The following KDM4C variants were observed in gnomAD, a reference collection of about 807,000 sequenced individuals.
KDM4C encodes lysine demethylase 4C.
KDM4C carries 81 observed loss-of-function variants against 129.3 expected under a neutral mutation model. The observed-to-expected ratio is 0.63, with a 90% CI of 0.52 to 0.75. The LOEUF (loss-of-function observed/expected upper bound fraction) is 0.75. Among genes scored for constraint, KDM4C ranks in the 30% least tolerant of loss-of-function variants. The probability of loss-of-function intolerance (pLI) is 0.00; values close to 1 mark genes in which losing one functional copy is unlikely to be tolerated. For synonymous variants in KDM4C, 573 were observed against 456.1 expected (o/e 1.26, Z -3.26); for missense variants, 1,457 against 1,304.0 (o/e 1.12, Z -1.81).
chr9:7,044,593 G>A (rs1038121261), intron 15 of KDM4C, among the ~76,000 whole-genome samples: 1 of 151,924 alleles, frequency 6.6e-6, no homozygotes, highest in Non-Finnish European at 1.5e-5. Context: ...CCTCCAATAT[G>A]AGCTAGAATG....
At chr9:7,033,169 G>A (rs1425700719) in intron 15 of KDM4C, among the ~76,000 whole-genome samples, 1 of 148,290 alleles carries the variant, frequency 6.7e-6, no homozygotes, top group African/African-American at 2.5e-5. Context: ...TTAATTCCAC[G>A]GGATACTGTC....
chr9:6,927,334 T>A (rs891623360), intron 8 of KDM4C, among the ~76,000 whole-genome samples: 4 of 152,210 alleles, frequency 2.6e-5, no homozygotes, highest in Non-Finnish European at 5.9e-5. Context: ...TTTGCCGTGT[T>A]GGCCAGGCTA....
chr9:7,031,508 C>G (rs1439167213), intron 15 of KDM4C, among the ~76,000 whole-genome samples: 1 of 152,166 alleles, frequency 6.6e-6, no homozygotes, highest in Admixed American at 6.5e-5. Flanking sequence ...CAAACTATAT[C>G]TTGATGATCA....
chr9:6,863,495 A>C (rs1317410436), intron 5 of KDM4C, among the ~76,000 whole-genome samples: 1 of 152,112 alleles, frequency 6.6e-6, no homozygotes, highest in African/African-American at 2.4e-5. Flanking sequence ...TACAGAGATC[A>C]CATGGTAAGA....
At chr9:6,852,726 C>G (rs971634965) in intron 5 of KDM4C, among the ~76,000 whole-genome samples, 1 of 152,128 alleles carries the variant, frequency 6.6e-6, no homozygotes, top group Non-Finnish European at 1.5e-5. Context: ...TTCAAGTCTA[C>G]TCCTTCCTCT....
rs761508081 is a variant in KDM4C, at chr9:6,992,650, T to G, written c.1786+2126T>G. 1.6e-4 allele frequency among the ~76,000 whole-genome samples: 24 copies of G among 152,320 alleles called. No homozygotes were observed. In the South Asian group the frequency reaches 2.3e-3, roughly 14 times the overall value. On this transcript the variant is annotated intron_variant, in intron 12 of 21. Coordinates refer to ENST00000381309, the MANE Select transcript of KDM4C (RefSeq NM_015061.6). Reference sequence around the variant, plus strand: ...CTCTGTGTCTATGTTGCTTGCAAAGTTGAAAGTGAATAAACATTATCATTG... The same window carrying G: ...CTCTGTGTCTATGTTGCTTGCAAAGGTGAAAGTGAATAAACATTATCATTG...
rs201094684 is a variant in KDM4C at position 6,940,892 on chromosome 9, GA to G, written c.922-40026del. ...ATCTATAAGAAACTTAAATTTACAA[GA>G]AAAAAACGTATCATTCTTTTTGGCT... On this transcript the variant is annotated intron_variant, in intron 8 of 21. Coordinates refer to ENST00000381309, the MANE Select transcript of KDM4C (RefSeq NM_015061.6). 2.9e-3 allele frequency among the ~76,000 whole-genome samples: 406 copies of G among 140,202 alleles called. 1 individual carries two copies. The highest frequency in any genetic ancestry group is 9.5e-3 in the African/African-American group (383 of 40,308). 92.0% of individuals were successfully genotyped at this position (140,202 alleles called of 152,430 possible). A position where few individuals can be genotyped will look rare whatever the true frequency, so the allele number is the denominator to read the frequency against.
At chr9:7,032,382 C>G (rs192309318) in intron 15 of KDM4C, among the ~76,000 whole-genome samples, 1 of 152,142 alleles carries the variant, frequency 6.6e-6, no homozygotes, top group Non-Finnish European at 1.5e-5. Flanking sequence ...CCTGTCCAAC[C>G]TCCCAAATAA....
At chr9:6,858,270 T>G (rs1159603303) in intron 5 of KDM4C, among the ~76,000 whole-genome samples, 1 of 151,554 alleles carries the variant, frequency 6.6e-6, no homozygotes, top group Admixed American at 6.6e-5. Context: ...ATTAATGAAT[T>G]ACTGCTCAGT....
chr9:7,039,228 CCATT>C (rs1182011010), intron 15 of KDM4C, among the ~76,000 whole-genome samples: 1 of 151,926 alleles, frequency 6.6e-6, no homozygotes, highest in Non-Finnish European at 1.5e-5. Context: ...AACACACACT[CCATT>C]CAGTTGGATC....
At position 7,065,554 on chromosome 9, in the gene KDM4C, A is replaced by C. The variant is rs552978941; in HGVS notation, c.2424+16354A>C. On this transcript the variant is annotated intron_variant, in intron 17 of 21. Coordinates refer to ENST00000381309, the MANE Select transcript of KDM4C (RefSeq NM_015061.6). ...CAGACATATTTCCGCAAAAAGAATCATGACATTCTGGCAAAGGTATAATTT... is the reference window on the plus strand; with the variant it reads ...CAGACATATTTCCGCAAAAAGAATCCTGACATTCTGGCAAAGGTATAATTT... Among the ~76,000 whole-genome samples the C allele has an allele frequency of 1.6e-4, 25 of 152,314 alleles. No individual in the cohort carries two copies. In the East Asian group the frequency reaches 4.6e-3, roughly 28 times the overall value.
intron 8 of KDM4C, among the ~76,000 whole-genome samples, chr9:6,952,265 G>A (rs990783467): frequency 6.6e-6 from 1 of 151,946 alleles, no homozygotes; most frequent in Non-Finnish European, 1.5e-5. Context: ...AAAGCAACCT[G>A]ATGGTACGCC....
At position 6,838,329 on chromosome 9, in the gene KDM4C, C is replaced by T. The variant is rs144580912; in HGVS notation, c.436-11178C>T. 9.7e-3 allele frequency among the ~76,000 whole-genome samples: 1,472 copies of T among 152,230 alleles called. 12 individuals are homozygous for T. The highest frequency in any genetic ancestry group is 0.015 in the Non-Finnish European group (1,030 of 68,018). On this transcript the variant is annotated intron_variant, in intron 4 of 21. Transcript: ENST00000381309. ...CTCTCTGCAGTGTTGGCTTTCTTCC[C>T]GGTATGCACAGTGATCTTTGCTTGT...
chr9:7,051,096 T>C (rs536282984), intron 17 of KDM4C, among the ~76,000 whole-genome samples: 59 of 152,296 alleles, frequency 3.9e-4, no homozygotes, highest in African/African-American at 1.4e-3. Context: ...TGAAATATTT[T>C]TGGATGAAAA....
Position 7,046,849 on chromosome 9 carries a change from CT to C in KDM4C, c.2260-9del, listed in dbSNP as rs1829474445. The C allele has an allele frequency of 5.0e-6, 8 of 1,598,248 alleles. No individual in the cohort carries two copies. The Admixed American group carries it at 8.4e-5, about 17-fold the overall frequency. On this transcript the variant is annotated splice_polypyrimidine_tract_variant and intron_variant, in intron 15 of 21. Coordinates refer to ENST00000381309, the MANE Select transcript of KDM4C (RefSeq NM_015061.6). ...GGGTCTGGTCATCATGTGGTATTTT[CT>C]TTTCCCCCCAGGAATGCTGTCTCTG...
chr9:7,170,574 A>T, intron 21 of KDM4C: 5 of 948,368 alleles, frequency 5.3e-6, no homozygotes, highest in Non-Finnish European at 6.3e-6. Context: ...ATATTATTGT[A>T]TCATAAAATA....
rs56086219 is a variant in KDM4C at position 6,983,573 on chromosome 9, GACAC to G, written c.1116-556_1116-553del. Among the ~76,000 whole-genome samples the G allele has an allele frequency of 4.3e-3, 614 of 142,718 alleles. 5 individuals are homozygous for G. Among genetic ancestry groups the G allele is most frequent in the African/African-American group, 0.013 (495 of 37,428 alleles). 93.6% of individuals were successfully genotyped at this position (142,718 alleles called of 152,430 possible). On this transcript the variant is annotated intron_variant, in intron 9 of 21. Transcript: ENST00000381309. ...CAATATAGTGAGACAGTGTCTTTAT[GACAC>G]ACACACACACACACACACACACACA...
chr9:7,168,710 T>G (rs989183718), intron 20 of KDM4C, among the ~76,000 whole-genome samples: 1 of 152,170 alleles, frequency 6.6e-6, no homozygotes, highest in Non-Finnish European at 1.5e-5. Flanking sequence ...GACACGTGAA[T>G]TTTGAAAGTT....
chr9:7,081,530 A>G (rs544141357), intron 17 of KDM4C, among the ~76,000 whole-genome samples: 32 of 152,204 alleles, frequency 2.1e-4, no homozygotes, highest in Non-Finnish European at 3.8e-4. Flanking sequence ...CTGATCTCAC[A>G]GGTAGTGCTG....
Sources: gnomAD v4.1 joint callset for allele counts (sites outside exome capture counted in the v4.1 genomes callset) on GRCh38, gnomAD v4.1.1 for gene constraint, MANE v1.5 for transcripts, NCBI Gene and HGNC (gene_info 2026-07-23, HGNC 2026-07-21) for gene names.